The following EYS variants were observed in gnomAD, a reference collection of about 807,000 sequenced individuals.
The protein encoded by EYS is EGF-like photoreceptor maintenance factor.
Under a neutral mutation model 282.1 loss-of-function variants are expected in EYS, and 250 were observed. The observed-to-expected ratio is 0.89, with a 90% confidence interval of 0.80 to 0.98. The LOEUF (loss-of-function observed/expected upper bound fraction) is 0.98. Among genes scored for constraint, EYS ranks in the 50% least tolerant of loss-of-function variants. EYS has a pLI of 0.00. For synonymous variants in EYS, 1,355 were observed against 1,282.9 expected, an observed-to-expected ratio of 1.06 and a Z score of -1.20; for missense variants, 4,016 against 3,709.0, an observed-to-expected ratio of 1.08 and a Z score of -2.15.
In EYS at chr6:64,590,834, A is replaced by C; in HGVS notation, c.5033T>G (p.Leu1678Trp). The part of the protein sequence containing the change: ...IVPSQTISSD[L>W]MNSDLTSKMT... ...TTTTGAAGTCAAATCAGAATTCATC[A>C]AGTCTGAAGAGATAGTTTGTGAAGG... The change falls in exon 26 of 43, where the codon TTG (leucine) becomes TGG (tryptophan). Residue 1678 changes from leucine to tryptophan, a missense_variant. Coordinates refer to ENST00000503581, the MANE Select transcript of EYS (RefSeq NM_001142800.2). The C allele has an allele frequency of 6.5e-7, 1 of 1,550,318 alleles. No individual in the cohort carries two copies. Among genetic ancestry groups the C allele is most frequent in the Non-Finnish European group, 8.7e-7 (1 of 1,146,312 alleles).
chr6:64,839,120 A>C (rs1043832568), intron 19 of EYS, among the ~76,000 whole-genome samples: 3 of 152,022 alleles, frequency 2.0e-5, no homozygotes, highest in African/African-American at 7.2e-5. Context: ...ATTTTGCTAT[A>C]CTTTTGAGAT....
At chr6:65,134,037 T>G (rs1267815914) in intron 12 of EYS, among the ~76,000 whole-genome samples, 1 of 151,968 alleles carries the variant, frequency 6.6e-6, no homozygotes. Context: ...ATTAGAGAAA[T>G]GCAAATCAAA....
rs554493482 is a variant in EYS, at chr6:64,188,314, T to G, written c.6424+42278A>C. Among the ~76,000 whole-genome samples the G allele has an allele frequency of 6.6e-5, 10 of 152,216 alleles. 1 individual carries two copies. In the South Asian group the frequency reaches 1.9e-3, roughly 28 times the overall value. Reference sequence around the variant, plus strand: ...TTCCAGATTTATGAACTTAAAAAACTAATAGTTCTGATCATCTTTTTACAC... The same window carrying G: ...TTCCAGATTTATGAACTTAAAAAACGAATAGTTCTGATCATCTTTTTACAC... On this transcript the variant is annotated intron_variant, in intron 31 of 42. Transcript: ENST00000503581.
At chr6:65,672,264 A>G (rs1274498227) in intron 1 of EYS, among the ~76,000 whole-genome samples, 7 of 152,102 alleles carry the variant, frequency 4.6e-5, no homozygotes, top group African/African-American at 1.4e-4. Flanking sequence ...GGGAGCTGGC[A>G]TACTCTAAAT....
chr6:65,575,595 C>T (rs905241528), intron 2 of EYS, among the ~76,000 whole-genome samples: 2 of 151,220 alleles, frequency 1.3e-5, no homozygotes, highest in African/African-American at 4.8e-5. Flanking sequence ...ATAAAGACTA[C>T]AGTAGAAATA....
chr6:65,300,754 T>TATTCTTTTACCTACATCCTTTTACCTAC (rs1768797943), intron 11 of EYS: 2 of 152,370 alleles, frequency 1.3e-5, no homozygotes, highest in African/African-American at 4.8e-5. Flanking sequence ...TCAGAGTCTG[T>TATTCTTTTACCTACATCCTTTTACCTAC]ATTCTTTTAC....
rs780524596 is a variant in EYS, at chr6:63,721,118, A to G, written c.8913T>C (p.Asn2971=). The change falls in exon 43 of 43, where the codon AAT becomes AAC. Residue 2971 remains asparagine (N), a synonymous_variant. Coordinates refer to ENST00000503581, the MANE Select transcript of EYS (RefSeq NM_001142800.2). Reference sequence around the variant, plus strand: ...TGAACTGGAGGTTTCTCATTCTATAATTTGGATCAATGTATTTAATGTAAG... The same window carrying G: ...TGAACTGGAGGTTTCTCATTCTATAGTTTGGATCAATGTATTTAATGTAAG... ...GNSYIKYIDP[N]YRMRNLQFTT... is the part of the protein sequence containing the mutation. The G allele has an allele frequency of 1.9e-6, 3 of 1,551,452 alleles. No individual in the cohort carries two copies. In the South Asian group the frequency reaches 3.6e-5, roughly 18 times the overall value.
intron 20 of EYS, among the ~76,000 whole-genome samples, chr6:64,822,315 T>C (rs1054698473): frequency 6.6e-6 from 1 of 152,058 alleles, no homozygotes; most frequent in African/African-American, 2.4e-5. Context: ...TGTGGTATTA[T>C]CTCTCCATAG....
At chr6:64,283,426 T>A (rs1397558514) in intron 30 of EYS, among the ~76,000 whole-genome samples, 1 of 152,214 alleles carries the variant, frequency 6.6e-6, no homozygotes, top group Non-Finnish European at 1.5e-5. Flanking sequence ...TGGCAAAGAT[T>A]TTAGTTAGTT....
chr6:63,830,031 G>A (rs1045752162), intron 36 of EYS, among the ~76,000 whole-genome samples: 44 of 152,156 alleles, frequency 2.9e-4, no homozygotes, highest in Admixed American at 2.8e-3. Flanking sequence ...CTAACAAACA[G>A]AAAGGACATC....
At chr6:64,711,112 T>C (rs2149934360) in intron 22 of EYS, among the ~76,000 whole-genome samples, 1 of 152,322 alleles carries the variant, frequency 6.6e-6, no homozygotes, top group Non-Finnish European at 1.5e-5. Context: ...GTTAATACTG[T>C]AATTAGGCGT....
intron 26 of EYS, among the ~76,000 whole-genome samples, chr6:64,459,036 GTGAATGTATAAACAC>G (rs1775657522): frequency 2.0e-5 from 3 of 152,156 alleles, no homozygotes; most frequent in Non-Finnish European, 2.9e-5. Context: ...ATTAGTATTA[GTGAATGTATAAACAC>G]TGCTCCACTT....
At chr6:65,101,423 C>T (rs545562804) in intron 12 of EYS, among the ~76,000 whole-genome samples, 2 of 151,308 alleles carry the variant, frequency 1.3e-5, no homozygotes, top group East Asian at 3.9e-4. Context: ...CATTACTCAG[C>T]TTTTCATTCT....
chr6:65,410,037 T>A (rs970577256), intron 5 of EYS, among the ~76,000 whole-genome samples: 1 of 152,018 alleles, frequency 6.6e-6, no homozygotes, highest in Non-Finnish European at 1.5e-5. Flanking sequence ...TAACATAATG[T>A]TTTCCTTTTA....
At chr6:64,390,943 C>G (rs1354393557) in intron 28 of EYS, among the ~76,000 whole-genome samples, 1 of 151,336 alleles carries the variant, frequency 6.6e-6, no homozygotes, top group Admixed American at 6.6e-5. Flanking sequence ...GCTGATGGAG[C>G]TGAAAACCAA....
chr6:64,828,307 G>A (rs540840831), intron 19 of EYS, among the ~76,000 whole-genome samples: 160 of 151,944 alleles, frequency 1.1e-3, no homozygotes, highest in African/African-American at 3.7e-3. Context: ...AATCCCTAAA[G>A]TAAAAGGGAG....
At chr6:64,955,415 G>A (rs1042186806) in intron 14 of EYS, among the ~76,000 whole-genome samples, 2 of 152,146 alleles carry the variant, frequency 1.3e-5, no homozygotes, top group Non-Finnish European at 2.9e-5. Flanking sequence ...AGAGGACATA[G>A]TTAGAGGCTG....
chr6:63,812,138 C>A (rs1771063245), intron 36 of EYS, among the ~76,000 whole-genome samples: 1 of 152,174 alleles, frequency 6.6e-6, no homozygotes, highest in Admixed American at 6.5e-5. Flanking sequence ...AATCAAAACT[C>A]CTGAACATAG....
chr6:64,060,575 G>A (rs1351899223), intron 33 of EYS, among the ~76,000 whole-genome samples: 3 of 151,948 alleles, frequency 2.0e-5, no homozygotes, highest in East Asian at 1.9e-4. Context: ...AAGTTAATGC[G>A]GATTTTGCAT....
Sources: gnomAD v4.1 joint callset for allele counts (sites outside exome capture counted in the v4.1 genomes callset) on GRCh38, gnomAD v4.1.1 for gene constraint, MANE v1.5 for transcripts, NCBI Gene and HGNC (gene_info 2026-07-23, HGNC 2026-07-21) for gene names.